Variants in CDH3 observed in about 807,000 individuals in gnomAD.
CDH3 encodes cadherin-3.
Under a neutral mutation model 82.0 loss-of-function variants are expected in CDH3, and 54 were observed. The observed-to-expected ratio is 0.66, with a 90% CI of 0.53 to 0.83. The LOEUF (loss-of-function observed/expected upper bound fraction) is 0.83, where lower values mean the gene tolerates loss of function less well. Ranked by LOEUF, CDH3 falls within the 40% of genes least tolerant of loss-of-function variation. CDH3 has a pLI of 0.00. For missense variants in CDH3, 1,054 were observed against 1,084.6 expected (o/e 0.97, Z 0.40); for synonymous variants, 446 against 437.9 (o/e 1.02, Z -0.23).
intron 2 of CDH3, among the ~76,000 whole-genome samples, chr16:68,725,624 C>T (rs1408022185): frequency 6.6e-6 from 1 of 152,062 alleles, no homozygotes; most frequent in Admixed American, 6.6e-5. Flanking sequence ...TGAGCCACCG[C>T]GCCCGGCCCT....
chr16:68,724,105 G>A (rs966031709), intron 2 of CDH3, among the ~76,000 whole-genome samples: 1 of 149,720 alleles, frequency 6.7e-6, no homozygotes, highest in Non-Finnish European at 1.5e-5. Flanking sequence ...GTGTGGTGGC[G>A]CACACCGTAA....
chr16:68,660,819 C>T (rs1373025562), intron 2 of CDH3, among the ~76,000 whole-genome samples: 1 of 151,944 alleles, frequency 6.6e-6, no homozygotes, highest in Admixed American at 6.6e-5. Flanking sequence ...ATTAGCCGGG[C>T]GTAGTGGCAG....
Position 68,678,141 on chromosome 16 carries a change from G to A in CDH3, c.254G>A (p.Arg85Lys), listed in dbSNP as rs1961086908. The change falls in exon 4 of 16, where the codon AGG (arginine) becomes AAG (lysine). Residue 85 changes from arginine (R) to lysine (K), a missense_variant. By Grantham distance (26) the Arg-to-Lys change is conservative. Transcript: ENST00000264012. ...VRNGETVQER[R>K]SLKERNPLKI... ...GAGTTTCTCTCCTTGCAGGAAAGAA[G>A]GTCACTGAAGGAAAGGAATCCATTG... 6.2e-7 allele frequency: 1 copy of A among 1,613,792 alleles called. No homozygotes were observed. The highest frequency in any genetic ancestry group is 1.7e-5 in the Admixed American group (1 of 59,986).
intron 2 of CDH3, among the ~76,000 whole-genome samples, chr16:68,646,420 A>C (rs1210409289): frequency 6.6e-6 from 1 of 151,796 alleles, no homozygotes; most frequent in African/African-American, 2.4e-5. Flanking sequence ...TGAGGGGGAC[A>C]GTGTCCCAAG....
chr16:68,683,771 T>TA (rs1347311819), intron 9 of CDH3, among the ~76,000 whole-genome samples: 1 of 140,344 alleles, frequency 7.1e-6, no homozygotes, highest in Non-Finnish European at 1.5e-5. Flanking sequence ...GCTAAAAGTA[T>TA]AAAAAATTCG....
chr16:68,679,149 C>T (rs925560811), intron 6 of CDH3, among the ~76,000 whole-genome samples: 1 of 152,236 alleles, frequency 6.6e-6, no homozygotes, highest in Non-Finnish European at 1.5e-5. Context: ...TTGGGAACCA[C>T]TAGCTTTGGA....
chr16:68,677,964 C>T (rs1036422502), intron 3 of CDH3, among the ~76,000 whole-genome samples, 170 bp from the exon 4 acceptor site: 1 of 150,816 alleles, frequency 6.6e-6, no homozygotes, highest in Non-Finnish European at 1.5e-5. Flanking sequence ...GTCTCGCTAT[C>T]TTGCCCAGGC....
At chr16:68,688,803 A>G (rs1961486363) in intron 12 of CDH3, among the ~76,000 whole-genome samples, 1 of 152,078 alleles carries the variant, frequency 6.6e-6, no homozygotes, top group South Asian at 2.1e-4. Flanking sequence ...ATTTTTTAGT[A>G]AAGGCATGGT....
At chr16:68,680,089 C>A in intron 7 of CDH3, 115 bp downstream of exon 7, 1 of 1,008,548 alleles carries the variant, frequency 9.9e-7, no homozygotes, top group South Asian at 1.3e-5. Context: ...ACAGTGAGGA[C>A]CCACGTCAGC....
intron 2 of CDH3, among the ~76,000 whole-genome samples, chr16:68,657,812 TTG>T (rs1322726433): frequency 1.3e-5 from 2 of 152,164 alleles, no homozygotes; most frequent in Admixed American, 1.3e-4. Flanking sequence ...AGCCCCCCTT[TTG>T]TTGAAGACCA....
chr16:68,655,865 A>T (rs536702643), intron 2 of CDH3, among the ~76,000 whole-genome samples: 1 of 152,286 alleles, frequency 6.6e-6, no homozygotes, highest in East Asian at 1.9e-4. Context: ...GCCGTCTCAA[A>T]AAAAGAAAAA....
rs568908272 is a variant in CDH3, at chr16:68,715,976, G to C, written c.100-6449G>C. 5.9e-5 allele frequency among the ~76,000 whole-genome samples: 9 copies of C among 152,270 alleles called. No homozygotes were observed. The East Asian group carries it at 1.5e-3, about 26-fold the overall frequency. Reference sequence around the variant, plus strand: ...GATTTCCTCGCAACATTGCTTGTAAGACTAAGCATTGGCCAGGCACTGTGG... The same window carrying C: ...GATTTCCTCGCAACATTGCTTGTAACACTAAGCATTGGCCAGGCACTGTGG... On this transcript the variant is annotated intron_variant, in intron 1 of 2. Transcript: ENST00000569080.
intron 12 of CDH3, among the ~76,000 whole-genome samples, 192 bp downstream of exon 12, chr16:68,687,928 A>C (rs1332776833): frequency 6.6e-6 from 1 of 151,312 alleles, no homozygotes; most frequent in East Asian, 2.0e-4. Flanking sequence ...GGACCCCTAA[A>C]AGACCATTCT....
intron 13 of CDH3, among the ~76,000 whole-genome samples, chr16:68,694,956 G>A (rs1333561003): frequency 6.6e-6 from 1 of 152,176 alleles, no homozygotes; most frequent in South Asian, 2.1e-4. Context: ...GCCAGGTGAG[G>A]AAGGAGCCTG....
intron 1 of CDH3, among the ~76,000 whole-genome samples, chr16:68,714,019 C>T (rs769147207): frequency 8.6e-5 from 13 of 151,936 alleles, no homozygotes; most frequent in African/African-American, 2.7e-4. Flanking sequence ...CTGCAACCTC[C>T]GCCCCCTGGG....
chr16:68,659,592 A>AG (rs1960503966), intron 2 of CDH3, among the ~76,000 whole-genome samples: 1 of 151,780 alleles, frequency 6.6e-6, no homozygotes, highest in Non-Finnish European at 1.5e-5. Flanking sequence ...AAAAAAAAAA[A>AG]AGGATCTTTT....
chr16:68,659,468 A>G (rs920563944), intron 2 of CDH3, among the ~76,000 whole-genome samples: 1 of 151,774 alleles, frequency 6.6e-6, no homozygotes, highest in African/African-American at 2.4e-5. Flanking sequence ...TACTCTACTC[A>G]GGTGGCTGGG....
At chr16:68,662,709 T>C (rs936224886) in intron 2 of CDH3, among the ~76,000 whole-genome samples, 1 of 151,558 alleles carries the variant, frequency 6.6e-6, no homozygotes, top group Non-Finnish European at 1.5e-5. Flanking sequence ...CACGCCCGGC[T>C]AATTTTTTTT....
At chr16:68,701,609 G>A (rs1200486495), downstream of CDH3, among the ~76,000 whole-genome samples, 1 of 149,346 alleles carries the variant, frequency 6.7e-6, no homozygotes, top group South Asian at 2.1e-4. Flanking sequence ...GCAGTGGCAC[G>A]ATCTCAGCTC....
Sources: gnomAD v4.1 joint callset for allele counts (sites outside exome capture counted in the v4.1 genomes callset) on GRCh38, gnomAD v4.1.1 for gene constraint, MANE v1.5 for transcripts, NCBI Gene and HGNC (gene_info 2026-07-23, HGNC 2026-07-21) for gene names.